SLC25A37: variants seen among roughly 807,000 people sequenced by gnomAD.
The protein encoded by SLC25A37 is mitoferrin-1.
In SLC25A37, 17 loss-of-function variants were observed where a neutral mutation model predicts 31.0. That is an observed-to-expected ratio of 0.55 (90% confidence interval 0.38 to 0.82). The LOEUF (loss-of-function observed/expected upper bound fraction) is 0.82. Ranked by LOEUF, SLC25A37 falls within the 40% of genes least tolerant of loss-of-function variation. SLC25A37 has a pLI of 0.00. For synonymous variants in SLC25A37, 222 were observed against 193.0 expected, an observed-to-expected ratio of 1.15 and a Z score of -1.24; for missense variants, 404 against 465.8, an observed-to-expected ratio of 0.87 and a Z score of 1.22.
Position 23,574,285 on chromosome 8 carries a change from T to A in SLC25A37, c.*2430T>A, listed in dbSNP as rs1802934676. ...TTTGAGACCAGCCTGGCCAACATGATGAAACCCCATCTCTACTAAAAATAC... is the reference window on the plus strand; with the variant it reads ...TTTGAGACCAGCCTGGCCAACATGAAGAAACCCCATCTCTACTAAAAATAC... On this transcript the variant is annotated 3_prime_UTR_variant, in exon 4 of 4. Transcript: ENST00000519973. 6.2e-6 allele frequency: 1 copy of A among 161,442 alleles called. No homozygotes were observed. Among genetic ancestry groups the A allele is most frequent in the South Asian group, 1.5e-4 (1 of 6,480 alleles). The allele number at this position is 161,442 out of a possible 1,614,324, so 10.0% of individuals were successfully genotyped here.
chr8:23,540,843 T>A (rs767193855), intron 1 of SLC25A37, among the ~76,000 whole-genome samples: 4 of 152,180 alleles, frequency 2.6e-5, no homozygotes, highest in Non-Finnish European at 4.4e-5. Flanking sequence ...CGCTTACGCA[T>A]GTAGTGAGAA....
At chr8:23,559,637 C>G (rs969322444) in intron 1 of SLC25A37, among the ~76,000 whole-genome samples, 16 of 152,152 alleles carry the variant, frequency 1.1e-4, no homozygotes, top group Non-Finnish European at 1.3e-4. Flanking sequence ...ACCCATAAAA[C>G]AAGAACTCTC....
At chr8:23,563,673 G>A (rs1179318056) in intron 1 of SLC25A37, among the ~76,000 whole-genome samples, 2 of 152,184 alleles carry the variant, frequency 1.3e-5, no homozygotes, top group Non-Finnish European at 2.9e-5. Flanking sequence ...AGGGTGCAGA[G>A]TAGCGAGTTT....
chr8:23,534,981 G>A (rs192535987), intron 1 of SLC25A37, among the ~76,000 whole-genome samples: 1 of 151,820 alleles, frequency 6.6e-6, no homozygotes, highest in Non-Finnish European at 1.5e-5. Context: ...GTCCCCACCC[G>A]ACTCAAGTCC....
intron 1 of SLC25A37, among the ~76,000 whole-genome samples, chr8:23,564,627 T>C (rs528800100): frequency 1.6e-5 from 2 of 127,788 alleles, no homozygotes; most frequent in East Asian, 4.4e-4. Context: ...CGAGTATTTC[T>C]TGCCTATATA....
intron 1 of SLC25A37, among the ~76,000 whole-genome samples, chr8:23,555,458 G>A (rs1448324716): frequency 2.6e-5 from 4 of 152,106 alleles, no homozygotes; most frequent in Non-Finnish European, 2.9e-5. Flanking sequence ...GGAGAAGGGG[G>A]GTTTGGTGCT....
chr8:23,553,931 A>G (rs1228062664), intron 1 of SLC25A37, among the ~76,000 whole-genome samples: 1 of 152,210 alleles, frequency 6.6e-6, no homozygotes, highest in Admixed American at 6.5e-5. Context: ...GGTCTTCCCC[A>G]AGGTCAGGCA....
At chr8:23,551,965 C>T (rs1802239151) in intron 1 of SLC25A37, among the ~76,000 whole-genome samples, 1 of 152,176 alleles carries the variant, frequency 6.6e-6, no homozygotes, top group African/African-American at 2.4e-5. Context: ...TGCCCTGTGG[C>T]TGGTAGCCTC....
At position 23,561,031 on chromosome 8, in the gene SLC25A37, A is replaced by G. The variant is rs547611014; in HGVS notation, c.211-5077A>G. Among the ~76,000 whole-genome samples, 18 of 152,304 alleles carry G rather than the reference A, an allele frequency of 1.2e-4. 1 individual carries two copies. In the South Asian group the frequency reaches 3.3e-3, roughly 28 times the overall value. On this transcript the variant is annotated intron_variant, in intron 1 of 3. Transcript: ENST00000519973. ...ATGTGAAAAGAAGGGAGTTGGGGAA[A>G]GTGAATCATGGTCTTGCACTCAGTA...
chr8:23,534,863 A>C (rs1407654547), intron 1 of SLC25A37, among the ~76,000 whole-genome samples: 1 of 152,104 alleles, frequency 6.6e-6, no homozygotes, highest in Non-Finnish European at 1.5e-5. Flanking sequence ...CTTCATCATC[A>C]TCAGCATGAT....
intron 3 of SLC25A37, among the ~76,000 whole-genome samples, chr8:23,570,905 C>T (rs1320249382): frequency 1.3e-5 from 2 of 152,096 alleles, no homozygotes; most frequent in East Asian, 3.9e-4. Flanking sequence ...CAAGGGGGCA[C>T]GCTTCCAGTA....
At chr8:23,543,287 G>C (rs180792553) in intron 1 of SLC25A37, 1 of 152,256 alleles carries the variant, frequency 6.6e-6, no homozygotes, top group East Asian at 1.9e-4. Flanking sequence ...GTGGTCTCAA[G>C]CTCTTGGCCT....
rs1801726407 is a variant in SLC25A37, at chr8:23,534,570, C to T, written c.210+5358C>T. ...ATCTTCCCCTCTTTACCGAATGTTT[C>T]TTTCACTTCCCCCTCCTGATGGAAA... is the stretch of plus-strand genomic sequence containing the variant. On this transcript the variant is annotated intron_variant, in intron 1 of 3. Transcript: ENST00000519973. 2.0e-5 allele frequency among the ~76,000 whole-genome samples: 3 copies of T among 152,116 alleles called. No homozygotes were observed. In the South Asian group the frequency reaches 6.2e-4, roughly 32 times the overall value.
chr8:23,574,157 G>A lies in SLC25A37; in HGVS notation c.*2302G>A, dbSNP rs1802932120. The A allele has an allele frequency of 3.4e-6, 1 of 295,606 alleles. No individual in the cohort carries two copies. The highest frequency in any genetic ancestry group is 6.8e-6 in the Non-Finnish European group (1 of 146,786). 18.3% of individuals were successfully genotyped at this position (295,606 alleles called of 1,614,324 possible). Reference sequence around the variant, plus strand: ...TTCTCTAGGAGCACTCCTTTGGTTAGAGGGATGCAAGAAGGAGAGGTGAAG... The same window carrying A: ...TTCTCTAGGAGCACTCCTTTGGTTAAAGGGATGCAAGAAGGAGAGGTGAAG... On this transcript the variant is annotated 3_prime_UTR_variant, in exon 4 of 4. Transcript: ENST00000519973.
At chr8:23,543,159 C>T (rs1223611162) in intron 1 of SLC25A37, 1 of 151,934 alleles carries the variant, frequency 6.6e-6, no homozygotes, top group Non-Finnish European at 1.5e-5. Context: ...GCCTCGAACT[C>T]CTGGGTACAA....
chr8:23,535,237 A>G (rs972449504), intron 1 of SLC25A37, among the ~76,000 whole-genome samples: 1 of 152,062 alleles, frequency 6.6e-6, no homozygotes, highest in African/African-American at 2.4e-5. Context: ...GGACATTCAC[A>G]CTGCCTCCAA....
intron 1 of SLC25A37, among the ~76,000 whole-genome samples, chr8:23,545,859 G>A (rs1255800418): frequency 3.9e-5 from 6 of 152,104 alleles, no homozygotes; most frequent in Admixed American, 6.6e-5. Flanking sequence ...AAAATAGGCC[G>A]GGCGCGGTGG....
Position 23,542,377 on chromosome 8 carries a change from C to CTTTTTTTTTT in SLC25A37, c.210+13174_210+13183dup, listed in dbSNP as rs59713954. 2.0e-4 allele frequency among the ~76,000 whole-genome samples: 24 copies of CTTTTTTTTTT among 118,106 alleles called. 2 individuals are homozygous for CTTTTTTTTTT. The highest frequency in any genetic ancestry group is 3.9e-4 in the Admixed American group (4 of 10,230). 77.5% of individuals were successfully genotyped at this position (118,106 alleles called of 152,430 possible). A position where few individuals can be genotyped will look rare whatever the true frequency, so the allele number is the denominator to read the frequency against. The stretch of plus-strand genomic sequence containing the variant: ...GTCATTACTTTAGAGTGTACTCCTA[C>CTTTTTTTTTT]TTTTTTTTTTTTTTTTTTGAGATGG... On this transcript the variant is annotated intron_variant, in intron 1 of 3. Transcript: ENST00000519973.
At chr8:23,559,370 CGCGT>C (rs1563262783) in intron 1 of SLC25A37, among the ~76,000 whole-genome samples, 1 of 124,958 alleles carries the variant, frequency 8.0e-6, no homozygotes, top group Non-Finnish European at 1.8e-5. Context: ...TGTGCGCGCG[CGCGT>C]GTGTGTGTTT....
Sources: gnomAD v4.1 joint callset for allele counts (sites outside exome capture counted in the v4.1 genomes callset) on GRCh38, gnomAD v4.1.1 for gene constraint, MANE v1.5 for transcripts, NCBI Gene and HGNC (gene_info 2026-07-23, HGNC 2026-07-21) for gene names.